CACNB2: variants seen among roughly 807,000 people sequenced by gnomAD.
CACNB2 encodes the protein calcium voltage-gated channel auxiliary subunit beta 2.
CACNB2 carries 42 observed loss-of-function variants against 73.3 expected under a neutral mutation model. The observed-to-expected ratio is 0.57, with a 90% CI of 0.45 to 0.74. The LOEUF is 0.74. Among genes scored for constraint, CACNB2 ranks in the 30% least tolerant of loss-of-function variants. CACNB2 has a pLI of 0.00. For synonymous variants in CACNB2, 348 were observed against 310.3 expected (o/e 1.12, Z -1.28); for missense variants, 940 against 853.0 (o/e 1.10, Z -1.27).
Position 18,218,838 on chromosome 10 carries a change from C to A in CACNB2, c.213+67863C>A, listed in dbSNP as rs534503951. ...CCAAGATCATACCACTGCACCCCAG[C>A]CTGGGTGACAGAATGAGACTCCATC... On this transcript the variant is annotated intron_variant, in intron 2 of 13. Transcript: ENST00000324631. 5.6e-4 allele frequency among the ~76,000 whole-genome samples: 85 copies of A among 151,980 alleles called. 1 individual carries two copies. The highest frequency in any genetic ancestry group is 2.0e-3 in the African/African-American group (84 of 41,450).
chr10:18,494,112 C>G (rs1224934646), intron 3 of CACNB2, among the ~76,000 whole-genome samples: 1 of 152,108 alleles, frequency 6.6e-6, no homozygotes, highest in Non-Finnish European at 1.5e-5. Flanking sequence ...AAATTATTAC[C>G]TGTGGTCTCT....
intron 2 of CACNB2, among the ~76,000 whole-genome samples, chr10:18,293,988 G>T (rs2039175101): frequency 6.6e-6 from 1 of 152,140 alleles, no homozygotes; most frequent in African/African-American, 2.4e-5. Context: ...AATGTATCTG[G>T]TCTTCCTGCT....
At chr10:18,426,030 A>G (rs1171074946) in intron 3 of CACNB2, among the ~76,000 whole-genome samples, 1 of 152,238 alleles carries the variant, frequency 6.6e-6, no homozygotes, top group East Asian at 1.9e-4. Flanking sequence ...GAGTTTGGAC[A>G]TATCAACCCA....
intron 2 of CACNB2, among the ~76,000 whole-genome samples, chr10:18,280,290 A>G (rs965305589): frequency 2.6e-5 from 4 of 152,308 alleles, no homozygotes; most frequent in South Asian, 2.1e-4. Flanking sequence ...AGCAGGTACT[A>G]TCCTAAGTGC....
rs535783390 is a variant in CACNB2 at position 18,307,697 on chromosome 10, A to G, written c.214-94227A>G. On this transcript the variant is annotated intron_variant, in intron 2 of 13. Transcript: ENST00000324631. ...GATGGGAAAGTGAACATATAATTTG[A>G]TGCCACAGACTTAAAAAGATGTGAG... 1.0e-3 allele frequency among the ~76,000 whole-genome samples: 154 copies of G among 152,342 alleles called. 1 individual carries two copies. The highest frequency in any genetic ancestry group is 3.4e-3 in the African/African-American group (142 of 41,580).
At chr10:18,515,478 A>G (rs939201376) in intron 7 of CACNB2, among the ~76,000 whole-genome samples, 3 of 152,166 alleles carry the variant, frequency 2.0e-5, no homozygotes, top group African/African-American at 7.2e-5. Context: ...CAAACTCTCC[A>G]CATAATGAAC....
At chr10:18,325,016 G>A (rs968354228) in intron 2 of CACNB2, among the ~76,000 whole-genome samples, 51 of 152,310 alleles carry the variant, frequency 3.3e-4, no homozygotes, top group Middle Eastern at 3.4e-3. Context: ...TCCACACTTG[G>A]ATTACTGCTC....
intron 2 of CACNB2, chr10:18,238,320 A>C (rs1264111529): frequency 3.3e-5 from 5 of 152,198 alleles, no homozygotes; most frequent in Non-Finnish European, 7.3e-5. Context: ...AGCTTTTGAT[A>C]GCAAGTATTC....
At chr10:18,532,706 A>G (rs11014694) in intron 10 of CACNB2, among the ~76,000 whole-genome samples, 1 of 64,766 alleles carries the variant, frequency 1.5e-5, no homozygotes, top group Non-Finnish European at 3.5e-5. Context: ...ACAAAACAAA[A>G]AAACAAACAA....
At chr10:18,511,930 C>T (rs1261017654) in intron 6 of CACNB2, among the ~76,000 whole-genome samples, 1 of 152,074 alleles carries the variant, frequency 6.6e-6, no homozygotes, top group Non-Finnish European at 1.5e-5. Context: ...CAAGTTTTTG[C>T]CAAGAACAAG....
chr10:18,533,595 G>GT (rs2053276365), intron 10 of CACNB2, among the ~76,000 whole-genome samples: 1 of 152,110 alleles, frequency 6.6e-6, no homozygotes, highest in Non-Finnish European at 1.5e-5. Flanking sequence ...CGTCTTTGCT[G>GT]TTTTATTTTG....
At chr10:18,240,002 C>T (rs1033644475) in intron 2 of CACNB2, among the ~76,000 whole-genome samples, 2 of 152,162 alleles carry the variant, frequency 1.3e-5, no homozygotes, top group African/African-American at 4.8e-5. Flanking sequence ...GCCTTATCAG[C>T]TGTAACAATC....
intron 2 of CACNB2, among the ~76,000 whole-genome samples, chr10:18,360,016 G>A (rs546326704): frequency 5.9e-5 from 9 of 152,212 alleles, no homozygotes; most frequent in Admixed American, 3.3e-4. Context: ...TGGGGAGGGC[G>A]GGTAAGAACA....
chr10:18,480,580 A>C (rs2132834793), intron 3 of CACNB2, among the ~76,000 whole-genome samples: 1 of 152,360 alleles, frequency 6.6e-6, no homozygotes, highest in South Asian at 2.1e-4. Flanking sequence ...AGAGGCACTT[A>C]ATAAGCACTT....
intron 2 of CACNB2, among the ~76,000 whole-genome samples, chr10:18,372,653 C>T (rs1037733270): frequency 3.3e-5 from 5 of 152,190 alleles, no homozygotes; most frequent in African/African-American, 4.8e-5. Flanking sequence ...GTCATCCACC[C>T]GCCTTCGCCT....
intron 1 of CACNB2, among the ~76,000 whole-genome samples, chr10:18,142,058 G>T (rs557551093): frequency 1.3e-5 from 2 of 152,306 alleles, no homozygotes; most frequent in East Asian, 3.9e-4. Context: ...TAATAAAGGT[G>T]GCAAATGTTT....
chr10:18,434,369 A>G (rs2046032194), intron 3 of CACNB2, among the ~76,000 whole-genome samples: 1 of 152,180 alleles, frequency 6.6e-6, no homozygotes, highest in Non-Finnish European at 1.5e-5. Flanking sequence ...ATAAAGTCAG[A>G]GAAACCTGCC....
chr10:18,539,420 A>G lies in CACNB2; in HGVS notation c.1679A>G (p.Gln560Arg), dbSNP rs762071907. ...CAAGAGACATTTGACTCGGAAACCC[A>G]GGAGAGTCGAGACTCTGCCTACGTA... Reference protein sequence around the residue: ...SRQETFDSETQESRDSAYVEP... With the variant: ...SRQETFDSETRESRDSAYVEP... The change falls in exon 14 of 14, where the codon CAG (glutamine) becomes CGG (arginine). Residue 560 changes from glutamine (Q) to arginine (R), a missense_variant. By Grantham distance (43) the Gln-to-Arg change is conservative (BLOSUM62 1). Coordinates refer to ENST00000324631, the MANE Select transcript of CACNB2 (RefSeq NM_201596.3). The G allele has an allele frequency of 1.9e-6, 3 of 1,614,066 alleles. No homozygotes were observed. Among genetic ancestry groups the G allele is most frequent in the East Asian group, 2.2e-5 (1 of 44,846 alleles).
intron 2 of CACNB2, among the ~76,000 whole-genome samples, chr10:18,257,941 G>C (rs528883122): frequency 6.5e-4 from 99 of 152,116 alleles, no homozygotes; most frequent in African/African-American, 2.2e-3. Flanking sequence ...ACGAGGTTTC[G>C]TCATGTTGGT....
Sources: allele counts gnomAD v4.1 joint callset (sites outside exome capture counted in the v4.1 genomes callset), GRCh38; gene constraint gnomAD v4.1.1; transcripts MANE v1.5; gene names NCBI Gene and HGNC (gene_info 2026-07-23, HGNC 2026-07-21).